Variants in RYR2 observed in about 807,000 individuals in gnomAD.
RYR2 encodes cardiac muscle ryanodine receptor-calcium release channel.
RYR2 carries 227 observed loss-of-function variants against 601.1 expected under a neutral mutation model. The ratio of observed to expected loss-of-function variants is 0.38; its 90% CI spans 0.34 to 0.42. RYR2 has a LOEUF of 0.42. Among genes scored for constraint, RYR2 ranks in the 10% least tolerant of loss-of-function variants. The pLI is 1.00. For synonymous variants in RYR2, 2,223 were observed against 2,175.1 expected, an observed-to-expected ratio of 1.02 and a Z score of -0.61; for missense variants, 4,646 against 6,156.5, an observed-to-expected ratio of 0.75 and a Z score of 8.21.
intron 1 of RYR2, among the ~76,000 whole-genome samples, chr1:237,231,363 G>A (rs990771454): frequency 6.9e-6 from 1 of 145,760 alleles, no homozygotes; most frequent in African/African-American, 2.6e-5. Context: ...GTCTTGCCAT[G>A]TTGCCCAGAC....
In RYR2 at chr1:237,441,467, G is replaced by A. The variant is rs373148638; in HGVS notation, c.1154G>A (p.Gly385Glu). ...QSVDVKSVRMGSIQRKAIMHH... is the reference protein window; with the variant it reads ...QSVDVKSVRMESIQRKAIMHH... ...GTGGACGTGAAATCCGTGAGAATGG[G>A]ATCTATACAACGTAAGGTAAGGTGA... Residue 385 changes from glycine to glutamate, a missense_variant, in exon 13 of 105, where the codon GGA (glycine) becomes GAA (glutamate). Coordinates refer to ENST00000366574, the MANE Select transcript of RYR2 (RefSeq NM_001035.3). The A allele has an allele frequency of 1.3e-6, 2 of 1,583,854 alleles. No individual in the cohort carries two copies. The highest frequency in any genetic ancestry group is 1.7e-6 in the Non-Finnish European group (2 of 1,162,692).
chr1:237,532,763 A>G (rs1055523876), intron 25 of RYR2, among the ~76,000 whole-genome samples: 6 of 152,130 alleles, frequency 3.9e-5, no homozygotes, highest in Non-Finnish European at 7.4e-5. Flanking sequence ...GTGTGTATGT[A>G]TTTGGGATAC....
At chr1:237,162,562 A>G (rs190815080) in intron 1 of RYR2, among the ~76,000 whole-genome samples, 18 of 152,246 alleles carry the variant, frequency 1.2e-4, no homozygotes, top group South Asian at 4.1e-4. Context: ...GGAAACTTTC[A>G]GCTAATGTTC....
chr1:237,054,294 C>T (rs949092165), intron 1 of RYR2, among the ~76,000 whole-genome samples: 1 of 134,300 alleles, frequency 7.4e-6, no homozygotes, highest in Admixed American at 7.5e-5. Flanking sequence ...TCCCTCCCTT[C>T]CTCCTTCCTC....
intron 99 of RYR2, 102 bp from the exon 100 acceptor site, chr1:237,808,799 C>A: frequency 9.4e-7 from 1 of 1,062,430 alleles, no homozygotes; most frequent in Non-Finnish European, 1.4e-6. Flanking sequence ...CTAGTAAACA[C>A]GGCTGTGTTC....
chr1:237,579,130 C>T (rs1208331667), intron 29 of RYR2, among the ~76,000 whole-genome samples: 1 of 152,128 alleles, frequency 6.6e-6, no homozygotes, highest in Non-Finnish European at 1.5e-5. Flanking sequence ...CTAAGCCCAG[C>T]TCACCAATTT....
At chr1:237,372,815 C>T (rs1030311076) in intron 6 of RYR2, among the ~76,000 whole-genome samples, 7 of 152,128 alleles carry the variant, frequency 4.6e-5, no homozygotes, top group African/African-American at 1.7e-4. Flanking sequence ...TGTAATTACA[C>T]CTGAAATTTT....
At chr1:237,736,277 A>T (rs1234669268) in intron 79 of RYR2, among the ~76,000 whole-genome samples, 1 of 152,042 alleles carries the variant, frequency 6.6e-6, no homozygotes, top group African/African-American at 2.4e-5. Context: ...CCTGGCCAAC[A>T]TGGTGAAACC....
intron 35 of RYR2, among the ~76,000 whole-genome samples, chr1:237,603,244 C>A (rs545885698): frequency 6.6e-6 from 1 of 152,160 alleles, no homozygotes; most frequent in East Asian, 1.9e-4. Context: ...TTGGTGGAAT[C>A]CGCGGGGAAA....
chr1:237,080,465 C>T (rs1265568457), intron 1 of RYR2, among the ~76,000 whole-genome samples: 2 of 53,866 alleles, frequency 3.7e-5, no homozygotes, highest in East Asian at 7.0e-4. Flanking sequence ...AAAAAGTGGG[C>T]GAAGGACATG....
chr1:237,260,301 A>T (rs527776246), intron 1 of RYR2, among the ~76,000 whole-genome samples: 1 of 152,194 alleles, frequency 6.6e-6, no homozygotes, highest in East Asian at 1.9e-4. Context: ...TGCAAGGAAA[A>T]TGGTTCTGAC....
chr1:237,455,628 A>C (rs746930674), intron 15 of RYR2, among the ~76,000 whole-genome samples: 1 of 152,218 alleles, frequency 6.6e-6, no homozygotes, highest in Non-Finnish European at 1.5e-5. Context: ...AAGGGTTATT[A>C]CTAGGTTCTC....
intron 42 of RYR2, among the ~76,000 whole-genome samples, chr1:237,632,987 G>T (rs1246900666): frequency 6.6e-6 from 1 of 152,062 alleles, no homozygotes; most frequent in South Asian, 2.1e-4. Context: ...GATAATATTT[G>T]GTCTCAAGGA....
intron 98 of RYR2, among the ~76,000 whole-genome samples, chr1:237,802,926 GA>G (rs1660140638): frequency 1.3e-5 from 2 of 152,146 alleles, no homozygotes; most frequent in Admixed American, 6.5e-5. Context: ...TCTTTCCTTA[GA>G]CAGCGTTCTG....
chr1:237,638,980 A>C (rs886630293), intron 45 of RYR2, 35 bp from the exon 46 acceptor site: 2 of 1,605,296 alleles, frequency 1.2e-6, no homozygotes, highest in Non-Finnish European at 1.7e-6. Flanking sequence ...CCATATAATC[A>C]TATTTGTTTA....
intron 10 of RYR2, among the ~76,000 whole-genome samples, chr1:237,397,483 T>A (rs146714450): frequency 6.6e-6 from 1 of 152,226 alleles, no homozygotes; most frequent in East Asian, 1.9e-4. Flanking sequence ...GTGATATACA[T>A]CAGCCTTGCC....
intron 6 of RYR2, among the ~76,000 whole-genome samples, chr1:237,374,069 T>C (rs1002323774): frequency 2.6e-5 from 4 of 152,170 alleles, no homozygotes; most frequent in African/African-American, 9.7e-5. Context: ...ACAATTCCTT[T>C]AGGATATTGC....
intron 100 of RYR2, among the ~76,000 whole-genome samples, chr1:237,818,711 C>T (rs1662108606): frequency 2.0e-5 from 3 of 151,334 alleles, no homozygotes; most frequent in Middle Eastern, 3.2e-3. Context: ...TGAATGTGTT[C>T]GTAATATGAT....
At chr1:237,169,159 G>A (rs1677049328) in intron 1 of RYR2, among the ~76,000 whole-genome samples, 1 of 152,116 alleles carries the variant, frequency 6.6e-6, no homozygotes, top group African/African-American at 2.4e-5. Flanking sequence ...ATTTTAGTTA[G>A]TGTCAACATG....
Sources: gnomAD v4.1 joint callset for allele counts (sites outside exome capture counted in the v4.1 genomes callset) on GRCh38, gnomAD v4.1.1 for gene constraint, MANE v1.5 for transcripts, NCBI Gene and HGNC (gene_info 2026-07-23, HGNC 2026-07-21) for gene names.